The following OSBPL10 variants were observed in gnomAD, a reference collection of about 807,000 sequenced individuals.
OSBPL10 encodes the protein oxysterol binding protein like 10, also known as oxysterol-binding protein-related protein 10.
In OSBPL10, 49 loss-of-function variants were observed where a neutral mutation model predicts 81.7. The observed-to-expected ratio is 0.60, with a 90% CI of 0.48 to 0.76. OSBPL10 has a LOEUF of 0.76. OSBPL10 is among the 30% of genes least tolerant of loss of function. The pLI, the probability that OSBPL10 is intolerant of heterozygous loss-of-function variation, is 0.00. For synonymous variants in OSBPL10, 419 were observed against 383.6 expected (o/e 1.09, Z -1.08); for missense variants, 923 against 987.8 (o/e 0.93, Z 0.88).
chr3:31,724,275 T>C (rs530483390), intron 6 of OSBPL10, among the ~76,000 whole-genome samples: 8 of 152,300 alleles, frequency 5.3e-5, no homozygotes, highest in South Asian at 2.1e-4. Flanking sequence ...TACCACTCGG[T>C]GCTGAGCTTT....
intron 2 of OSBPL10, among the ~76,000 whole-genome samples, chr3:32,017,222 T>C (rs1699320755): frequency 6.6e-6 from 1 of 152,198 alleles, no homozygotes; most frequent in African/African-American, 2.4e-5. Context: ...GCATTGTTTT[T>C]CCCATTTTAA....
At chr3:32,052,579 TA>T (rs935440663) in intron 1 of OSBPL10, among the ~76,000 whole-genome samples, 1 of 151,702 alleles carries the variant, frequency 6.6e-6, no homozygotes, top group Non-Finnish European at 1.5e-5. Context: ...ATAGACTAGA[TA>T]AAAAAAATGT....
chr3:31,898,006 C>CAAAAAAAAAAAAAA (rs58479197), intron 1 of OSBPL10, among the ~76,000 whole-genome samples: 6 of 62,480 alleles, frequency 9.6e-5, no homozygotes, highest in South Asian at 6.5e-4. Context: ...AGAACTCTGT[C>CAAAAAAAAAAAAAA]AAAAAAAAAA....
chr3:31,980,828 T>C (rs1246222891), intron 1 of OSBPL10, 71 bp downstream of exon 1: 3 of 1,423,622 alleles, frequency 2.1e-6, no homozygotes, highest in Non-Finnish European at 1.8e-6. Context: ...CAGACACACA[T>C]ACACACACGC....
chr3:31,989,784 T>A (rs751711370), intron 2 of OSBPL10: 1 of 1,614,150 alleles, frequency 6.2e-7, no homozygotes, highest in African/African-American at 1.3e-5. Flanking sequence ...GTAATGAGAG[T>A]GGCAAAGCCT....
intron 1 of OSBPL10, among the ~76,000 whole-genome samples, chr3:31,926,640 C>T (rs1697083339): frequency 6.6e-6 from 1 of 152,192 alleles, no homozygotes; most frequent in Non-Finnish European, 1.5e-5. Context: ...AAAAATGGCA[C>T]AGGCTTGCTG....
In OSBPL10 at chr3:32,062,658, T is replaced by A. The variant is rs540906322; in HGVS notation, n.185+14738A>T. Among the ~76,000 whole-genome samples, 55 of 94,710 alleles carry A rather than the reference T, an allele frequency of 5.8e-4. 12 individuals carry two copies. The highest frequency in any genetic ancestry group is 1.2e-3 in the African/African-American group (45 of 36,778). The allele number at this position is 94,710 out of a possible 152,430, so 62.1% of individuals were successfully genotyped here. A position where few individuals can be genotyped will look rare whatever the true frequency, so the allele number is the denominator to read the frequency against. ...ACAGCAAGGGCTGGGAGCATGGGCT[T>A]CTTGAATCAGACCTGGATTTGTGCT... On this transcript the variant is annotated intron_variant and non_coding_transcript_variant, in intron 1 of 3. Transcript: ENST00000479173.
At chr3:32,050,390 T>C (rs1007151104) in intron 1 of OSBPL10, among the ~76,000 whole-genome samples, 3 of 152,232 alleles carry the variant, frequency 2.0e-5, no homozygotes, top group Non-Finnish European at 4.4e-5. Context: ...ATCTGTGTGA[T>C]CTTTGCCATT....
At chr3:31,918,729 T>C (rs1229885682) in intron 1 of OSBPL10, among the ~76,000 whole-genome samples, 1 of 152,172 alleles carries the variant, frequency 6.6e-6, no homozygotes, top group Admixed American at 6.5e-5. Flanking sequence ...TCCTGTGCCA[T>C]GTGGAATGCA....
At chr3:31,774,406 G>C (rs114400650) in intron 4 of OSBPL10, among the ~76,000 whole-genome samples, 28 of 152,154 alleles carry the variant, frequency 1.8e-4, no homozygotes, top group Non-Finnish European at 7.4e-5. Flanking sequence ...GCGGAGTGTC[G>C]AGGCTGGCTG....
chr3:31,743,294 C>A (rs1266495172), intron 5 of OSBPL10, among the ~76,000 whole-genome samples: 23 of 152,080 alleles, frequency 1.5e-4, no homozygotes, highest in Admixed American at 1.5e-3. Context: ...CCGGCCCGGC[C>A]TCCCAAAGTG....
intron 2 of OSBPL10, among the ~76,000 whole-genome samples, chr3:32,040,890 G>T (rs1699568341): frequency 6.6e-6 from 1 of 152,184 alleles, no homozygotes; most frequent in Non-Finnish European, 1.5e-5. Flanking sequence ...GAAGAACTGA[G>T]ATGACCTTAC....
rs1700134303 is a variant in OSBPL10 at position 31,664,185 on chromosome 3, T to C, written c.2144A>G (p.Asp715Gly). ...GTGCCGCTTCTGCTCGGTGGCTGCG[T>C]CAATGTCCCCCAGCCGCAGGTATCG... The part of the protein sequence containing the change: ...VTRYLRLGDI[D>G]AATEQKRHLE... The change falls in exon 11 of 12, where the codon GAC (aspartate) becomes GGC (glycine). Residue 715 changes from aspartate to glycine, a missense_variant. This residue lies in a region of OSBPL10 where 387 missense variants were observed against 436.3 expected (regional missense o/e 0.89). Transcript: ENST00000396556. 2.5e-6 allele frequency: 4 copies of C among 1,613,190 alleles called. No homozygotes were observed. In the East Asian group the frequency reaches 8.9e-5, roughly 36 times the overall value.
At chr3:32,052,790 T>C (rs961113990) in intron 1 of OSBPL10, among the ~76,000 whole-genome samples, 46 of 152,002 alleles carry the variant, frequency 3.0e-4, no homozygotes, top group Middle Eastern at 3.4e-3. Flanking sequence ...ACATCATACA[T>C]TGGGGCCTGT....
intron 1 of OSBPL10, among the ~76,000 whole-genome samples, chr3:31,924,011 G>A (rs879531118): frequency 6.6e-6 from 1 of 152,080 alleles, no homozygotes; most frequent in Non-Finnish European, 1.5e-5. Context: ...AAGGTCGGGA[G>A]TTCAAGACCA....
chr3:31,934,470 A>C (rs1445735878), intron 1 of OSBPL10, among the ~76,000 whole-genome samples: 1 of 148,442 alleles, frequency 6.7e-6, no homozygotes, highest in Non-Finnish European at 1.5e-5. Context: ...GTGCAATGGC[A>C]CAATCTCGGC....
chr3:31,988,916 C>T (rs1698981978), intron 2 of OSBPL10: 1 of 910,242 alleles, frequency 1.1e-6, no homozygotes, highest in African/African-American at 1.7e-5. Flanking sequence ...GCTGAAGTGC[C>T]TCCAAACCCC....
At chr3:32,024,763 C>T (rs1181376046) in intron 2 of OSBPL10, among the ~76,000 whole-genome samples, 1 of 152,056 alleles carries the variant, frequency 6.6e-6, no homozygotes, top group Admixed American at 6.6e-5. Flanking sequence ...CATGAGCTAC[C>T]GTGCCCGGCC....
At chr3:31,777,769 G>A (rs1698582031) in intron 4 of OSBPL10, among the ~76,000 whole-genome samples, 1 of 152,144 alleles carries the variant, frequency 6.6e-6, no homozygotes, top group Admixed American at 6.5e-5. Flanking sequence ...CAGATTACAG[G>A]AAAAGGATTT....
Sources: allele counts gnomAD v4.1 joint callset (sites outside exome capture counted in the v4.1 genomes callset), GRCh38; gene constraint gnomAD v4.1.1; regional missense constraint gnomAD v4.1.1; transcripts MANE v1.5; gene names NCBI Gene and HGNC (gene_info 2026-07-23, HGNC 2026-07-21).